The following JAG1 variants were observed in gnomAD, a reference collection of about 807,000 sequenced individuals.
JAG1 encodes the protein jagged canonical Notch ligand 1.
JAG1 carries 23 observed loss-of-function variants against 148.7 expected under a neutral mutation model. The observed-to-expected ratio is 0.15, with a 90% CI of 0.11 to 0.22. The LOEUF is 0.22. JAG1 is among the 10% of genes least tolerant of loss of function. JAG1 has a pLI of 1.00. For synonymous variants in JAG1, 572 were observed against 598.3 expected (o/e 0.96, Z 0.64); for missense variants, 1,054 against 1,611.2 (o/e 0.65, Z 5.92).
Position 10,641,122 on chromosome 20 carries a change from A to G in JAG1, c.3039T>C (p.His1013=), listed in dbSNP as rs770077297. 28 of 1,613,984 alleles carry G rather than the reference A, an allele frequency of 1.7e-5. No homozygotes were observed. The highest frequency in any genetic ancestry group is 2.1e-5 in the Non-Finnish European group (25 of 1,180,036). The part of the protein sequence containing the change: ...EPSPSANNEI[H]VAISAEDIRD... ...TGGGTCTTATACTTACAATGGCCAC[A>G]TGTATTTCATTGTTCGCTGAAGGGG... The change falls in exon 24 of 26, where the codon CAT becomes CAC. Residue 1013 remains histidine, a synonymous_variant. Coordinates refer to ENST00000254958, the MANE Select transcript of JAG1 (RefSeq NM_000214.3).
At chr20:10,656,077 A>T (rs1254825527) in intron 5 of JAG1, among the ~76,000 whole-genome samples, 1 of 152,232 alleles carries the variant, frequency 6.6e-6, no homozygotes, top group Non-Finnish European at 1.5e-5. Context: ...GCAAAGAAAC[A>T]AGCCCACATC....
chr20:10,650,638 G>A (rs2067339651), intron 8 of JAG1: 1 of 451,696 alleles, frequency 2.2e-6, no homozygotes, highest in Non-Finnish European at 4.1e-6. Context: ...GAGGAACACA[G>A]GACATCTCTA....
chr20:10,656,274 ATT>A, intron 5 of JAG1, 122 bp downstream of exon 5: 1 of 749,718 alleles, frequency 1.3e-6, no homozygotes, highest in Non-Finnish European at 2.3e-6. Flanking sequence ...GTCTATCTGA[ATT>A]TTTTTTTTAA....
In JAG1 at chr20:10,652,623, G is replaced by C. The variant is rs1043715148; in HGVS notation, c.756-25C>G. 42 of 1,613,024 alleles carry C rather than the reference G, an allele frequency of 2.6e-5. No individual in the cohort carries two copies. The Admixed American group carries it at 3.5e-4, about 13-fold the overall frequency. On this transcript the variant is annotated intron_variant, in intron 5 of 25. Coordinates refer to ENST00000254958, the MANE Select transcript of JAG1 (RefSeq NM_000214.3). ...CCTGGAGACACACAGCACACCTCCAGGTTAGCCTTTTGAACGTTAAGAGAC... is the reference window on the plus strand; with the variant it reads ...CCTGGAGACACACAGCACACCTCCACGTTAGCCTTTTGAACGTTAAGAGAC...
At chr20:10,655,663 G>A (rs1047996143) in intron 5 of JAG1, among the ~76,000 whole-genome samples, 9 of 152,110 alleles carry the variant, frequency 5.9e-5, no homozygotes, top group Non-Finnish European at 1.2e-4. Context: ...TTAAAATTTG[G>A]GAGGAGGGAG....
chr20:10,641,415 A>C, intron 23 of JAG1, 45 bp downstream of exon 23: 2 of 1,555,424 alleles, frequency 1.3e-6, no homozygotes, highest in East Asian at 2.2e-5. Context: ...AAAGCAAGCA[A>C]GCAGACATCC....
In JAG1 at chr20:10,644,944, T is replaced by A. The variant is rs2067297480; in HGVS notation, c.2263A>T (p.Asn755Tyr). 6.2e-7 allele frequency: 1 copy of A among 1,613,882 alleles called. No homozygotes were observed. The highest frequency in any genetic ancestry group is 1.3e-5 in the African/African-American group (1 of 74,854). ...NSSCLPNPCH[N>Y]GGTCVVNGES... ...CCGTTGACCACACATGTGCCCCCAT[T>A]ATGGCAGGGGTTGGGCAGGCAGCTA... is the stretch of plus-strand genomic sequence containing the variant. The change falls in exon 18 of 26, where the codon AAT (asparagine) becomes TAT (tyrosine). Residue 755 changes from asparagine to tyrosine, a missense_variant. Asn to Tyr is a moderately radical substitution (Grantham distance 143). Coordinates refer to ENST00000254958, the MANE Select transcript of JAG1 (RefSeq NM_000214.3).
In JAG1 at chr20:10,658,524, T is replaced by C. The variant is rs1434158865; in HGVS notation, c.638A>G (p.Asp213Gly). ...RDDFFGHYAC[D>G]QNGNKTCMEG... ...CATGCAAGTTTTGTTGCCATTCTGGTCACAGGCATAGTGTCCAAAGAAGTC... is the reference window on the plus strand; with the variant it reads ...CATGCAAGTTTTGTTGCCATTCTGGCCACAGGCATAGTGTCCAAAGAAGTC... Residue 213 changes from aspartate to glycine, a missense_variant, in exon 4 of 26, where the codon GAC (aspartate) becomes GGC (glycine). Around this residue, in one of 6 missense-constraint regions of JAG1, gnomAD observed 104 missense variants for 235.2 expected, o/e 0.44. Coordinates refer to ENST00000254958, the MANE Select transcript of JAG1 (RefSeq NM_000214.3). 6.2e-7 allele frequency: 1 copy of C among 1,614,190 alleles called. No individual in the cohort carries two copies. The highest frequency in any genetic ancestry group is 1.1e-5 in the South Asian group (1 of 91,078).
chr20:10,647,856 C>T (rs2067319831), intron 13 of JAG1, 104 bp downstream of exon 13: 1 of 1,258,012 alleles, frequency 7.9e-7, no homozygotes, highest in Non-Finnish European at 1.2e-6. Context: ...AGAGGTCCTC[C>T]TCACCAATAC....
intron 2 of JAG1, among the ~76,000 whole-genome samples, chr20:10,671,956 C>CCCG (rs1243082771): frequency 6.6e-6 from 1 of 152,034 alleles, no homozygotes; most frequent in African/African-American, 2.4e-5. Context: ...GGGCCGTGCA[C>CCCG]CCGCCCTTCC....
In JAG1 at chr20:10,639,241, A is replaced by C; in HGVS notation, c.*257T>G. On this transcript the variant is annotated 3_prime_UTR_variant, in exon 26 of 26. Coordinates refer to ENST00000254958, the MANE Select transcript of JAG1 (RefSeq NM_000214.3). ...GGCTGGGCAGGCTCCTGGGAGCCTG[A>C]TCCGAGACCGTGTCGGCTGCAAGGG... is the stretch of plus-strand genomic sequence containing the variant. The C allele has an allele frequency of 1.9e-6, 1 of 520,764 alleles. No individual in the cohort carries two copies. Among genetic ancestry groups the C allele is most frequent in the South Asian group, 2.0e-5 (1 of 51,122 alleles). The allele number at this position is 520,764 out of a possible 1,614,324, so 32.3% of individuals were successfully genotyped here.
intron 11 of JAG1, 49 bp downstream of exon 11, chr20:10,649,011 AG>A (rs1375572125): frequency 6.9e-7 from 1 of 1,440,522 alleles, no homozygotes; most frequent in Non-Finnish European, 9.8e-7. Flanking sequence ...ACAAATCTAA[AG>A]ATTTGTTGTC....
At chr20:10,652,348 A>T (rs2067353066) in intron 6 of JAG1, 98 bp from the exon 7 acceptor site, 1 of 1,597,922 alleles carries the variant, frequency 6.3e-7, no homozygotes, top group African/African-American at 1.3e-5. Context: ...AAAAACCAGA[A>T]AACCCACACA....
intron 3 of JAG1, among the ~76,000 whole-genome samples, chr20:10,659,289 G>T (rs534261069): frequency 3.2e-4 from 48 of 152,344 alleles, no homozygotes; most frequent in African/African-American, 1.1e-3. Flanking sequence ...GCCCTTTCTG[G>T]TAGTTACAAA....
At chr20:10,649,733 G>T in intron 9 of JAG1, 98 bp from the exon 10 acceptor site, 1 of 744,122 alleles carries the variant, frequency 1.3e-6, no homozygotes, top group Non-Finnish European at 2.4e-6. Flanking sequence ...TCTGAGACAT[G>T]AGACATTTTA....
At chr20:10,666,148 G>A (rs1291050790) in intron 2 of JAG1, among the ~76,000 whole-genome samples, 1 of 152,042 alleles carries the variant, frequency 6.6e-6, no homozygotes, top group African/African-American at 2.4e-5. Context: ...TGGGGCAGGA[G>A]GATTCCTCCT....
chr20:10,639,448 G>T lies in JAG1; in HGVS notation c.*50C>A. ...CTCGAGTATGACACGACAGTTTAAAGAACTACAAGCCCTCAGACTCTACCT... is the reference window on the plus strand; with the variant it reads ...CTCGAGTATGACACGACAGTTTAAATAACTACAAGCCCTCAGACTCTACCT... On this transcript the variant is annotated 3_prime_UTR_variant, in exon 26 of 26. Coordinates refer to ENST00000254958, the MANE Select transcript of JAG1 (RefSeq NM_000214.3). 6.7e-7 allele frequency: 1 copy of T among 1,490,832 alleles called. No homozygotes were observed. The highest frequency in any genetic ancestry group is 9.4e-7 in the Non-Finnish European group (1 of 1,067,480). 92.4% of individuals were successfully genotyped at this position (1,490,832 alleles called of 1,614,324 possible).
intron 2 of JAG1, among the ~76,000 whole-genome samples, chr20:10,670,560 C>A (rs2067488258): frequency 2.0e-5 from 3 of 152,188 alleles, no homozygotes; most frequent in African/African-American, 7.2e-5. Context: ...AGCCTGGAAT[C>A]ATTCTTGAAA....
chr20:10,673,169 A>G lies in JAG1; in HGVS notation c.82-163T>C. 2.0e-6 allele frequency: 1 copy of G among 491,740 alleles called. No individual in the cohort carries two copies. Among genetic ancestry groups the G allele is most frequent in the East Asian group, 4.1e-5 (1 of 24,556 alleles). The allele number at this position is 491,740 out of a possible 1,614,324, so 30.5% of individuals were successfully genotyped here. On this transcript the variant is annotated intron_variant, in intron 1 of 25. Transcript: ENST00000254958. This position sits in a 1 kb window ranked among gnomAD's most constrained non-coding sequence, Gnocchi z 4.7. Reference sequence around the variant, plus strand: ...AGGACTCAACATGATTCCGGGGCAAAAAAAAAAAAAAATGCACGAGTGCGG... The same window carrying G: ...AGGACTCAACATGATTCCGGGGCAAGAAAAAAAAAAAATGCACGAGTGCGG...
Sources: allele counts gnomAD v4.1 joint callset (sites outside exome capture counted in the v4.1 genomes callset), GRCh38; gene constraint gnomAD v4.1.1; regional missense constraint gnomAD v4.1.1; non-coding constraint Gnocchi (gnomAD v3.1); transcripts MANE v1.5; gene names NCBI Gene and HGNC (gene_info 2026-07-23, HGNC 2026-07-21).